CCNT2: variants seen among roughly 807,000 people sequenced by gnomAD.
The protein encoded by CCNT2 is cyclin-T2.
CCNT2 carries 18 observed loss-of-function variants against 70.0 expected under a neutral mutation model. The observed-to-expected ratio is 0.26, with a 90% CI of 0.18 to 0.38. The LOEUF is 0.38. Among genes scored for constraint, CCNT2 ranks in the 10% least tolerant of loss-of-function variants. The probability of loss-of-function intolerance (pLI) is 1.00; values close to 1 mark genes in which losing one functional copy is unlikely to be tolerated. For synonymous variants in CCNT2, 334 were observed against 313.3 expected, an observed-to-expected ratio of 1.07 and a Z score of -0.70; for missense variants, 734 against 890.2, an observed-to-expected ratio of 0.82 and a Z score of 2.23.
chr2:134,948,753 C>T (rs1219556733), intron 7 of CCNT2, among the ~76,000 whole-genome samples: 1 of 148,766 alleles, frequency 6.7e-6, no homozygotes, highest in Non-Finnish European at 1.5e-5. Context: ...CTCACTCTGT[C>T]GCCAAGGCTG....
intron 6 of CCNT2, among the ~76,000 whole-genome samples, chr2:134,946,955 T>C: frequency 6.6e-6 from 1 of 152,202 alleles, no homozygotes; most frequent in East Asian, 1.9e-4. Context: ...CAATTTCACA[T>C]TGGCAAATAC....
In CCNT2 at chr2:134,954,482, T is replaced by C. The variant is rs1320293670; in HGVS notation, c.2027T>C (p.Val676Ala). 6.2e-7 allele frequency: 1 copy of C among 1,614,132 alleles called. No homozygotes were observed. ...CCTCCTCCCCCTGTCACATACCAGGTGGGCTACGGACATCTCAGCACCCTC... is the reference window on the plus strand; with the variant it reads ...CCTCCTCCCCCTGTCACATACCAGGCGGGCTACGGACATCTCAGCACCCTC... ...LPPPPPVTYQ[V>A]GYGHLSTLVK... The change falls in exon 9 of 9, where the codon GTG becomes GCG. Residue 676 changes from valine to alanine, a missense_variant. Around this residue, in one of 3 missense-constraint regions of CCNT2, gnomAD observed 532 missense variants for 556.9 expected, o/e 0.96. Transcript: ENST00000264157.
At chr2:134,949,986 G>A (rs1682342314) in intron 7 of CCNT2, among the ~76,000 whole-genome samples, 1 of 152,020 alleles carries the variant, frequency 6.6e-6, no homozygotes, top group South Asian at 2.1e-4. Context: ...GTAGAGATAG[G>A]GTTTTCACCA....
At chr2:134,922,547 G>A (rs975472799) in intron 2 of CCNT2, among the ~76,000 whole-genome samples, 2 of 151,980 alleles carry the variant, frequency 1.3e-5, no homozygotes, top group Non-Finnish European at 2.9e-5. Flanking sequence ...TTTATATGTA[G>A]CCTAATTAGA....
intron 2 of CCNT2, 28 bp from the exon 3 acceptor site, chr2:134,936,813 A>G: frequency 6.3e-7 from 1 of 1,583,506 alleles, no homozygotes; most frequent in Non-Finnish European, 8.6e-7. Context: ...TTTGTTCTTA[A>G]ATGACCAGAG....
chr2:134,946,821 T>C (rs1390811106), intron 6 of CCNT2, among the ~76,000 whole-genome samples: 1 of 152,124 alleles, frequency 6.6e-6, no homozygotes, highest in African/African-American at 2.4e-5. Flanking sequence ...GCCTTTAATA[T>C]ATAATTCTGT....
intron 2 of CCNT2, among the ~76,000 whole-genome samples, chr2:134,936,002 C>T: frequency 6.6e-6 from 1 of 152,020 alleles, no homozygotes; most frequent in East Asian, 1.9e-4. Flanking sequence ...TCTGTTCCTT[C>T]AACAAGATAG....
intron 2 of CCNT2, among the ~76,000 whole-genome samples, 159 bp from the exon 3 acceptor site, chr2:134,936,682 A>T (rs1681176725): frequency 6.7e-6 from 1 of 150,234 alleles, no homozygotes; most frequent in Non-Finnish European, 1.5e-5. Context: ...TGAACCTGGG[A>T]GGTGGAGCTT....
intron 2 of CCNT2, among the ~76,000 whole-genome samples, chr2:134,930,756 TTGG>T (rs1024185966): frequency 1.3e-5 from 2 of 152,140 alleles, no homozygotes; most frequent in African/African-American, 4.8e-5. Context: ...TTTTATGTTC[TTGG>T]TGGTATTTGC....
rs1682874964 is a variant in CCNT2, at chr2:134,955,518, A to G, written c.*870A>G. The G allele has an allele frequency of 6.5e-6, 1 of 152,690 alleles. No homozygotes were observed. The highest frequency in any genetic ancestry group is 2.1e-4 in the South Asian group (1 of 4,834). The allele number at this position is 152,690 out of a possible 1,614,324, so 9.5% of individuals were successfully genotyped here. On this transcript the variant is annotated 3_prime_UTR_variant, in exon 9 of 9. Coordinates refer to ENST00000264157, the MANE Select transcript of CCNT2 (RefSeq NM_058241.3). ...TTGGCTTGTTGCAGTTCTATGAAAC[A>G]GAGCTGTTAATAATGGTTATGTGGA... is the stretch of plus-strand genomic sequence containing the variant.
At chr2:134,951,317 A>G (rs1230351968) in intron 7 of CCNT2, among the ~76,000 whole-genome samples, 4 of 152,180 alleles carry the variant, frequency 2.6e-5, no homozygotes, top group Admixed American at 1.3e-4. Context: ...TGGAATTGGC[A>G]TTATTAATAT....
chr2:134,940,304 A>C (rs1681476962), intron 4 of CCNT2, among the ~76,000 whole-genome samples: 1 of 152,108 alleles, frequency 6.6e-6, no homozygotes, highest in Admixed American at 6.5e-5. Flanking sequence ...AAAATTGGGA[A>C]TTTGCAACAA....
chr2:134,943,494 A>G (rs1318729704), intron 5 of CCNT2: 2 of 984,754 alleles, frequency 2.0e-6, no homozygotes, highest in South Asian at 4.7e-5. Flanking sequence ...AGGGTCTTTG[A>G]CATTACTAAA....
chr2:134,942,903 C>T, intron 5 of CCNT2: 2 of 1,325,420 alleles, frequency 1.5e-6, no homozygotes, highest in Non-Finnish European at 1.9e-6. Context: ...TTCACTAAAA[C>T]TCCGGAGGGC....
Position 134,920,219 on chromosome 2 carries a change from T to C in CCNT2, c.240+328T>C, listed in dbSNP as rs966172617. 15 of 179,682 alleles carry C rather than the reference T, an allele frequency of 8.3e-5. 1 individual carries two copies. The South Asian group carries it at 1.6e-3, about 20-fold the overall frequency. 11.1% of individuals were successfully genotyped at this position (179,682 alleles called of 1,614,324 possible). ...ATTTCAGTAGTGATGTACAGTGGAA[T>C]TGGGCAAGCCTGGTCGTTCTGTGAT... is the stretch of plus-strand genomic sequence containing the variant. On this transcript the variant is annotated intron_variant, in intron 2 of 8. Transcript: ENST00000264157.
intron 7 of CCNT2, among the ~76,000 whole-genome samples, chr2:134,950,917 T>C (rs1276826828): frequency 1.3e-5 from 2 of 152,196 alleles, no homozygotes. Flanking sequence ...AAGCTTACAT[T>C]TTGTGTACGA....
chr2:134,951,797 T>C (rs1345103204), intron 7 of CCNT2, among the ~76,000 whole-genome samples: 2 of 152,238 alleles, frequency 1.3e-5, no homozygotes, highest in African/African-American at 4.8e-5. Flanking sequence ...AACTAGGAAG[T>C]TAACATTGGT....
At chr2:134,920,452 G>C (rs906459318) in intron 2 of CCNT2, 2 of 152,238 alleles carry the variant, frequency 1.3e-5, no homozygotes, top group Admixed American at 6.5e-5. Context: ...GTCCACTCTT[G>C]CTTCAGATAT....
intron 7 of CCNT2, among the ~76,000 whole-genome samples, chr2:134,952,289 C>T: frequency 6.6e-6 from 1 of 151,984 alleles, no homozygotes. Context: ...CTTTTGTCCA[C>T]TAATTTTAAA....
Sources: gnomAD v4.1 joint callset for allele counts (sites outside exome capture counted in the v4.1 genomes callset) on GRCh38, gnomAD v4.1.1 for gene constraint, gnomAD v4.1.1 regional missense constraint, MANE v1.5 for transcripts, NCBI Gene and HGNC (gene_info 2026-07-23, HGNC 2026-07-21) for gene names.